THSD7A: variants seen among roughly 807,000 people sequenced by gnomAD.
THSD7A encodes thrombospondin type-1 domain-containing protein 7A.
In THSD7A, 96 loss-of-function variants were observed where a neutral mutation model predicts 231.3. The observed-to-expected ratio is 0.41, with a 90% CI of 0.35 to 0.49. THSD7A has a LOEUF of 0.49. Among genes scored for constraint, THSD7A ranks in the 20% least tolerant of loss-of-function variants. THSD7A has a pLI of 0.05. For synonymous variants in THSD7A, 940 were observed against 743.3 expected (o/e 1.26, Z -4.30); for missense variants, 2,290 against 2,070.2 (o/e 1.11, Z -2.06).
At chr7:11,745,554 C>T (rs184898017) in intron 1 of THSD7A, among the ~76,000 whole-genome samples, 3,779 of 152,120 alleles carry the variant, frequency 0.025, 150 homozygotes, top group African/African-American at 0.085. Flanking sequence ...CCTAGGTTTT[C>T]TTCTAGGGTT....
At chr7:11,651,745 C>T (rs2128368857) in intron 1 of THSD7A, among the ~76,000 whole-genome samples, 1 of 151,990 alleles carries the variant, frequency 6.6e-6, no homozygotes, top group African/African-American at 2.4e-5. Context: ...GGTAGCTTTT[C>T]TTTGTTTTAT....
At chr7:11,484,201 C>G (rs1022041756) in intron 6 of THSD7A, among the ~76,000 whole-genome samples, 1 of 152,086 alleles carries the variant, frequency 6.6e-6, no homozygotes, top group African/African-American at 2.4e-5. Flanking sequence ...AGAATGATTT[C>G]TGTACCATCC....
chr7:11,700,363 T>C (rs1380997796), intron 1 of THSD7A, among the ~76,000 whole-genome samples: 1 of 151,274 alleles, frequency 6.6e-6, no homozygotes, highest in Non-Finnish European at 1.5e-5. Context: ...ACTTGAAAGG[T>C]TATAACTTTT....
At chr7:11,490,875 G>T (rs1441089341) in intron 6 of THSD7A, among the ~76,000 whole-genome samples, 1 of 151,942 alleles carries the variant, frequency 6.6e-6, no homozygotes, top group Non-Finnish European at 1.5e-5. Flanking sequence ...AGTACTTATG[G>T]TATTCCCATT....
chr7:11,528,951 G>A (rs1788589201), intron 6 of THSD7A, among the ~76,000 whole-genome samples: 1 of 152,022 alleles, frequency 6.6e-6, no homozygotes, highest in Non-Finnish European at 1.5e-5. Context: ...ATATTTAATT[G>A]CCTTTCTACA....
rs757441177 is a variant in THSD7A, at chr7:11,543,062, C to G, written c.1509G>C (p.Gln503His). ...CAGTTGGACAAGGAATGTGGCACAG[C>G]TGTGTAGTATTAGGGATAGGTCCAG... is the stretch of plus-strand genomic sequence containing the variant. ...LCTGPIPNTTQLCHIPCPTEC... is the reference protein window; with the variant it reads ...LCTGPIPNTTHLCHIPCPTEC... Residue 503 changes from glutamine to histidine, a missense_variant, in exon 5 of 28, where the codon CAG (glutamine) becomes CAC (histidine). Transcript: ENST00000423059. The G allele has an allele frequency of 2.5e-6, 4 of 1,613,872 alleles. No homozygotes were observed. The South Asian group carries it at 4.4e-5, about 18-fold the overall frequency.
At chr7:11,405,748 T>C (rs1181732635) in intron 22 of THSD7A, among the ~76,000 whole-genome samples, 3 of 152,198 alleles carry the variant, frequency 2.0e-5, no homozygotes, top group Non-Finnish European at 4.4e-5. Flanking sequence ...TCCTCCATAC[T>C]GCTATTTTGT....
At chr7:11,508,351 A>T (rs1241556960) in intron 6 of THSD7A, among the ~76,000 whole-genome samples, 1 of 152,248 alleles carries the variant, frequency 6.6e-6, no homozygotes, top group African/African-American at 2.4e-5. Flanking sequence ...AGGTAAATGC[A>T]TATAAAACCA....
intron 1 of THSD7A, chr7:11,751,358 T>C (rs913953326): frequency 3.9e-5 from 6 of 152,000 alleles, no homozygotes; most frequent in Admixed American, 3.9e-4. Context: ...TCTGTCCTCA[T>C]CAACACTAGA....
chr7:11,534,496 G>A (rs1016637729), intron 6 of THSD7A, among the ~76,000 whole-genome samples: 1 of 152,152 alleles, frequency 6.6e-6, no homozygotes, highest in African/African-American at 2.4e-5. Flanking sequence ...CAGCACCAAT[G>A]CCAGATATGT....
chr7:11,531,209 C>CT (rs1788694852), intron 6 of THSD7A, among the ~76,000 whole-genome samples: 1 of 152,312 alleles, frequency 6.6e-6, no homozygotes, highest in African/African-American at 2.4e-5. Flanking sequence ...GTCCCCTCCA[C>CT]TGTTGCAACC....
chr7:11,439,623 A>C (rs1353363356), intron 13 of THSD7A, among the ~76,000 whole-genome samples: 2 of 152,028 alleles, frequency 1.3e-5, no homozygotes, highest in Admixed American at 1.3e-4. Context: ...ATGTGCACAA[A>C]GTTTTAGCGG....
intron 23 of THSD7A, among the ~76,000 whole-genome samples, chr7:11,397,697 A>T (rs906670728): frequency 3.3e-5 from 5 of 152,218 alleles, no homozygotes; most frequent in African/African-American, 1.2e-4. Context: ...AAAGAACTTA[A>T]ACAAATTTAC....
At position 11,755,661 on chromosome 7, in the gene THSD7A, C is replaced by T. The variant is rs114231193; in HGVS notation, c.190+76096G>A. On this transcript the variant is annotated intron_variant, in intron 1 of 27. Transcript: ENST00000423059. ...GGACCAAAAATGCCAGCTGGAAGTACCTCATGTTGAGCAGAAAGTCTTGGC... is the reference window on the plus strand; with the variant it reads ...GGACCAAAAATGCCAGCTGGAAGTATCTCATGTTGAGCAGAAAGTCTTGGC... 8.9e-3 allele frequency among the ~76,000 whole-genome samples: 1,358 copies of T among 152,160 alleles called. 15 individuals are homozygous for T. The highest frequency in any genetic ancestry group is 0.03 in the African/African-American group (1,261 of 41,534).
intron 6 of THSD7A, among the ~76,000 whole-genome samples, chr7:11,505,631 G>A (rs1787513164): frequency 6.6e-6 from 1 of 152,062 alleles, no homozygotes; most frequent in African/African-American, 2.4e-5. Flanking sequence ...CATAATAAAA[G>A]GCTTGGATGG....
At chr7:11,560,788 T>C (rs1295670531) in intron 4 of THSD7A, among the ~76,000 whole-genome samples, 1 of 142,896 alleles carries the variant, frequency 7.0e-6, no homozygotes, top group Non-Finnish European at 1.6e-5. Context: ...TACGGGTGTG[T>C]TCCTGGTGGT....
At chr7:11,420,583 C>A (rs13230778) in intron 16 of THSD7A, among the ~76,000 whole-genome samples, 3,050 of 152,292 alleles carry the variant, frequency 0.02, 48 homozygotes, top group Non-Finnish European at 0.033. Flanking sequence ...AGTACTAGGG[C>A]AGTGTGAAGC....
intron 6 of THSD7A, among the ~76,000 whole-genome samples, chr7:11,492,864 C>T (rs1222802465): frequency 1.3e-5 from 2 of 152,066 alleles, no homozygotes; most frequent in Non-Finnish European, 1.5e-5. Flanking sequence ...TAGCCTAAGG[C>T]CTGCAGCTGA....
intron 1 of THSD7A, among the ~76,000 whole-genome samples, chr7:11,741,968 G>A (rs1782129743): frequency 6.6e-6 from 1 of 151,776 alleles, no homozygotes; most frequent in Admixed American, 6.6e-5. Context: ...TATAGATGTG[G>A]GTACTGATCC....
Sources: gnomAD v4.1 joint callset for allele counts (sites outside exome capture counted in the v4.1 genomes callset) on GRCh38, gnomAD v4.1.1 for gene constraint, MANE v1.5 for transcripts, NCBI Gene and HGNC (gene_info 2026-07-23, HGNC 2026-07-21) for gene names.